The following SYT6 variants were observed in gnomAD, a reference collection of about 807,000 sequenced individuals.
SYT6 encodes synaptotagmin-6.
A neutral mutation model predicts 38.4 loss-of-function variants in SYT6; 24 were observed. That is an observed-to-expected ratio of 0.62 (90% CI 0.45 to 0.88). The LOEUF is 0.88. Ranked by LOEUF, SYT6 falls within the 40% of genes least tolerant of loss-of-function variation. SYT6 has a pLI of 0.00. For missense variants in SYT6, 611 were observed against 621.0 expected, an observed-to-expected ratio of 0.98 and a Z score of 0.17; for synonymous variants, 265 against 241.9, an observed-to-expected ratio of 1.10 and a Z score of -0.89.
intron 1 of SYT6, among the ~76,000 whole-genome samples, chr1:114,150,453 C>T (rs1296088383): frequency 6.6e-6 from 1 of 152,186 alleles, no homozygotes; most frequent in Non-Finnish European, 1.5e-5. Flanking sequence ...AGAATTCCAT[C>T]CTTCCAGTGA....
intron 3 of SYT6, among the ~76,000 whole-genome samples, chr1:114,134,184 G>A (rs1190535193): frequency 9.2e-5 from 14 of 152,140 alleles, no homozygotes; most frequent in Non-Finnish European, 5.9e-5. Context: ...ACCTGATCGG[G>A]CTGGTTACCC....
chr1:114,101,899 A>G (rs1250078554), intron 4 of SYT6, among the ~76,000 whole-genome samples: 1 of 152,216 alleles, frequency 6.6e-6, no homozygotes, highest in Non-Finnish European at 1.5e-5. Flanking sequence ...AAATAGACAG[A>G]AACTTGTAAT....
chr1:114,120,928 C>G (rs1409782145), intron 3 of SYT6, among the ~76,000 whole-genome samples: 2 of 152,326 alleles, frequency 1.3e-5, no homozygotes, highest in Admixed American at 1.3e-4. Context: ...TGATGCTGCC[C>G]TGGCTGGAGA....
At chr1:114,146,376 G>A (rs187700655) in intron 1 of SYT6, among the ~76,000 whole-genome samples, 8 of 152,332 alleles carry the variant, frequency 5.3e-5, no homozygotes, top group Middle Eastern at 3.4e-3. Context: ...GCTGCATAAA[G>A]GCCCAGATAA....
Position 114,139,917 on chromosome 1 carries a change from C to T in SYT6, c.210G>A (p.Val70=). ...LLAVVVIVCG[V]ALVAVFLFLF... Reference sequence around the variant, plus strand: ...GAAAGAGAAAAACTGCCACCAGGGCCACGCCACACACAATAACTACAACTG... The same window carrying T: ...GAAAGAGAAAAACTGCCACCAGGGCTACGCCACACACAATAACTACAACTG... The change falls in exon 2 of 8, where the codon GTG becomes GTA. Residue 70 remains valine (V), a synonymous_variant. Coordinates refer to ENST00000610222, the MANE Select transcript of SYT6 (RefSeq NM_001253772.2). 1 of 1,526,400 alleles carries T rather than the reference C, an allele frequency of 6.6e-7. No homozygotes were observed. Among genetic ancestry groups the T allele is most frequent in the East Asian group, 2.3e-5 (1 of 44,162 alleles). The allele number at this position is 1,526,400 out of a possible 1,614,324, so 94.6% of individuals were successfully genotyped here.
chr1:114,105,310 C>CT (rs1676222756), intron 3 of SYT6, among the ~76,000 whole-genome samples: 1 of 149,000 alleles, frequency 6.7e-6, no homozygotes, highest in South Asian at 2.2e-4. Flanking sequence ...AGCCCTGTTC[C>CT]CCCCCTGGAG....
At chr1:114,096,542 G>A (rs781473665) in intron 6 of SYT6, among the ~76,000 whole-genome samples, 2 of 152,060 alleles carry the variant, frequency 1.3e-5, no homozygotes, top group Non-Finnish European at 2.9e-5. Flanking sequence ...TGTTTCCATG[G>A]GTCCAATCCC....
At chr1:114,150,837 A>C (rs1480978864) in intron 1 of SYT6, among the ~76,000 whole-genome samples, 1 of 152,198 alleles carries the variant, frequency 6.6e-6, no homozygotes, top group African/African-American at 2.4e-5. Context: ...AGGTGTTTCC[A>C]AGTCAGGGTC....
chr1:114,138,080 G>A (rs1406578176), intron 2 of SYT6, 27 bp from the exon 3 acceptor site: 2 of 1,601,440 alleles, frequency 1.2e-6, no homozygotes, highest in Non-Finnish European at 1.7e-6. Context: ...GGGGGCAGAG[G>A]GAGTGTGGTC....
chr1:114,147,834 G>A (rs1679234217), intron 1 of SYT6, among the ~76,000 whole-genome samples: 1 of 152,210 alleles, frequency 6.6e-6, no homozygotes, highest in Non-Finnish European at 1.5e-5. Flanking sequence ...CACAGGCCCT[G>A]GTACACAGTG....
chr1:114,098,091 G>T (rs952456480), intron 5 of SYT6, among the ~76,000 whole-genome samples: 3 of 152,204 alleles, frequency 2.0e-5, no homozygotes, highest in African/African-American at 7.2e-5. Context: ...GATGAGCAAA[G>T]GTTATAAACT....
intron 6 of SYT6, among the ~76,000 whole-genome samples, chr1:114,097,061 A>C (rs1675681728): frequency 6.6e-6 from 1 of 152,164 alleles, no homozygotes; most frequent in African/African-American, 2.4e-5. Context: ...TTGAGGGAGA[A>C]GTGACAGGGT....
chr1:114,096,796 G>C (rs1217094515), intron 6 of SYT6, among the ~76,000 whole-genome samples: 1 of 152,220 alleles, frequency 6.6e-6, no homozygotes, highest in African/African-American at 2.4e-5. Flanking sequence ...AATTTATACA[G>C]CTCTCTAGAC....
At chr1:114,123,031 C>T (rs531753295) in intron 3 of SYT6, among the ~76,000 whole-genome samples, 3 of 152,324 alleles carry the variant, frequency 2.0e-5, no homozygotes, top group South Asian at 2.1e-4. Flanking sequence ...GGCTGTTCCG[C>T]GTGCCCTCCT....
In SYT6 at chr1:114,137,696, C is replaced by T; in HGVS notation, c.870G>A (p.Leu290=). Residue 290 remains leucine (L), a synonymous_variant, in exon 3 of 8, where the codon CTG becomes CTA. Transcript: ENST00000610222. ...KLQTRVHRKT[L]NPTFDENFHF... The stretch of plus-strand genomic sequence containing the variant: ...GGAAGTTCTCATCAAAGGTGGGGTT[C>T]AGGGTCTTGCGGTGCACCCGGGTCT... The T allele has an allele frequency of 2.5e-6, 4 of 1,613,876 alleles. No homozygotes were observed. The highest frequency in any genetic ancestry group is 2.2e-5 in the South Asian group (2 of 91,062).
chr1:114,121,216 G>A lies in SYT6; in HGVS notation c.1071+16279C>T, dbSNP rs78677284. On this transcript the variant is annotated intron_variant, in intron 3 of 7. Coordinates refer to ENST00000610222, the MANE Select transcript of SYT6 (RefSeq NM_001253772.2). ...CTCAGGGACTTGCTGATATGAGATG[G>A]GCAGTGGCCTTGGTCTTTGGTGAGA... Among the ~76,000 whole-genome samples the A allele has an allele frequency of 3.5e-3, 533 of 152,296 alleles. 3 individuals are homozygous for A. Among genetic ancestry groups the A allele is most frequent in the African/African-American group, 0.012 (507 of 41,562 alleles).
rs922632565 is a variant in SYT6 at position 114,138,129 on chromosome 1, T to A, written c.513-76A>T. 4 of 1,390,874 alleles carry A rather than the reference T, an allele frequency of 2.9e-6. No homozygotes were observed. The Admixed American group carries it at 9.1e-5, about 32-fold the overall frequency. 86.2% of individuals were successfully genotyped at this position (1,390,874 alleles called of 1,614,324 possible). A position where few individuals can be genotyped will look rare whatever the true frequency, so the allele number is the denominator to read the frequency against. ...AGGGGGATGAAGGCAAACACGAGCCTGGAGGCCCTGGCTCATCTTATCCCT... is the reference window on the plus strand; with the variant it reads ...AGGGGGATGAAGGCAAACACGAGCCAGGAGGCCCTGGCTCATCTTATCCCT... On this transcript the variant is annotated intron_variant, in intron 2 of 7. Transcript: ENST00000610222.
At chr1:114,119,473 T>C (rs1274736524) in intron 3 of SYT6, among the ~76,000 whole-genome samples, 1 of 152,240 alleles carries the variant, frequency 6.6e-6, no homozygotes, top group Non-Finnish European at 1.5e-5. Flanking sequence ...TGTGTGCCGA[T>C]GGGCACTTGG....
chr1:114,139,014 C>T (rs530748305), intron 2 of SYT6, among the ~76,000 whole-genome samples: 10 of 152,306 alleles, frequency 6.6e-5, no homozygotes, highest in African/African-American at 1.4e-4. Flanking sequence ...CAATGCCTTA[C>T]GCATGCTTGC....
Sources: gnomAD v4.1 joint callset for allele counts (sites outside exome capture counted in the v4.1 genomes callset) on GRCh38, gnomAD v4.1.1 for gene constraint, MANE v1.5 for transcripts, NCBI Gene and HGNC (gene_info 2026-07-23, HGNC 2026-07-21) for gene names.